SHLD2: variants seen among roughly 807,000 people sequenced by gnomAD.
SHLD2 encodes the protein RINN1-REV7-interacting novel NHEJ regulator 2.
SHLD2 carries 30 observed loss-of-function variants against 73.2 expected under a neutral mutation model. The observed-to-expected ratio is 0.41, with a 90% CI of 0.31 to 0.56. The LOEUF (loss-of-function observed/expected upper bound fraction) is 0.56, where lower values mean the gene tolerates loss of function less well. SHLD2 is among the 20% of genes least tolerant of loss of function. The probability of loss-of-function intolerance (pLI) is 0.28; values close to 1 mark genes in which losing one functional copy is unlikely to be tolerated. For missense variants in SHLD2, 745 were observed against 1,055.9 expected (o/e 0.71, Z 4.08); for synonymous variants, 285 against 370.1 (o/e 0.77, Z 2.64).
At chr10:87,150,614 A>G (rs918296536) in intron 2 of SHLD2, among the ~76,000 whole-genome samples, 9 of 151,280 alleles carry the variant, frequency 5.9e-5, no homozygotes, top group African/African-American at 2.2e-4. Context: ...TACAAAAATT[A>G]GCCGGGCGTG....
Position 87,176,053 on chromosome 10 carries a change from A to G in SHLD2, c.2128A>G (p.Lys710Glu), listed in dbSNP as rs539736446. 1 of 1,548,396 alleles carries G rather than the reference A, an allele frequency of 6.5e-7. No individual in the cohort carries two copies. Among genetic ancestry groups the G allele is most frequent in the African/African-American group, 1.4e-5 (1 of 73,074 alleles). The change falls in exon 7 of 10, where the codon AAG becomes GAG. Residue 710 changes from lysine to glutamate, a missense_variant. By Grantham distance (56) the Lys-to-Glu change is moderately conservative. This residue lies in a region of SHLD2 where 418 missense variants were observed against 567.8 expected (regional missense o/e 0.74). Coordinates refer to ENST00000298786, the MANE Select transcript of SHLD2 (RefSeq NM_001330112.2). ...TCAAAAAAGTGCACCCTCCTTTGTG[A>G]AGATATCAGACTTAGCAACCCACCT... ...KFQKSAPSFV[K>E]ISDLATHLED...
At position 87,190,745 on chromosome 10, in the gene SHLD2, A is replaced by C; in HGVS notation, c.*62A>C. On this transcript the variant is annotated 3_prime_UTR_variant, in exon 10 of 10. Transcript: ENST00000298786. ...AGTACTGAAATGATTTGTCTTTTGAAATAAATGAATGACAGGGCTTTTGCT... is the reference window on the plus strand; with the variant it reads ...AGTACTGAAATGATTTGTCTTTTGACATAAATGAATGACAGGGCTTTTGCT... The C allele has an allele frequency of 7.4e-7, 1 of 1,346,276 alleles. No homozygotes were observed. The highest frequency in any genetic ancestry group is 1.2e-5 in the South Asian group (1 of 83,898). 83.4% of individuals were successfully genotyped at this position (1,346,276 alleles called of 1,614,324 possible). A position where few individuals can be genotyped will look rare whatever the true frequency, so the allele number is the denominator to read the frequency against.
chr10:87,171,661 A>T (rs1485818098), intron 6 of SHLD2, among the ~76,000 whole-genome samples: 1 of 152,174 alleles, frequency 6.6e-6, no homozygotes, highest in East Asian at 1.9e-4. Context: ...TAATTTAGAG[A>T]TTGATTCAGT....
intron 2 of SHLD2, among the ~76,000 whole-genome samples, chr10:87,118,023 C>T (rs1441381470): frequency 6.6e-6 from 1 of 152,136 alleles, no homozygotes; most frequent in East Asian, 1.9e-4. Flanking sequence ...AATGATGTTA[C>T]TATTAATGAT....
upstream of SHLD2, chr10:87,094,542 G>A (rs1589394176): frequency 1.2e-6 from 2 of 1,612,488 alleles, no homozygotes; most frequent in Admixed American, 1.7e-5. This position sits in a 1 kb window ranked among gnomAD's most constrained non-coding sequence, Gnocchi z 6.6. Flanking sequence ...TGCTGGCGCC[G>A]CGATCGAAGA....
At chr10:87,173,531 A>G (rs1847749087) in intron 6 of SHLD2, among the ~76,000 whole-genome samples, 1 of 152,208 alleles carries the variant, frequency 6.6e-6, no homozygotes, top group Admixed American at 6.5e-5. Context: ...TAACAATGTG[A>G]GAAAAAATAG....
rs191163852 is a variant in SHLD2, at chr10:87,162,476, T to G, written c.1633+4321T>G. ...TGGAAAGCTGAGGTGGGAGAATCAC[T>G]TGAGCTCAGGAGTTTGAGTCCAGCC... is the stretch of plus-strand genomic sequence containing the variant. On this transcript the variant is annotated intron_variant, in intron 4 of 9. Transcript: ENST00000298786. 1.7e-3 allele frequency among the ~76,000 whole-genome samples: 260 copies of G among 152,242 alleles called. 1 individual carries two copies. The highest frequency in any genetic ancestry group is 5.6e-3 in the African/African-American group (234 of 41,552).
At chr10:87,103,225 T>G (rs1384485780) in intron 2 of SHLD2, among the ~76,000 whole-genome samples, 1 of 152,024 alleles carries the variant, frequency 6.6e-6, no homozygotes, top group Admixed American at 6.6e-5. Flanking sequence ...AAAATTTTTT[T>G]TAATAAATAA....
At chr10:87,107,108 A>AAAAAAAGG (rs1842648138) in intron 2 of SHLD2, among the ~76,000 whole-genome samples, 1 of 109,280 alleles carries the variant, frequency 9.2e-6, no homozygotes. Flanking sequence ...AAAAAAAAAA[A>AAAAAAAGG]GAGATTTAAA....
At chr10:87,165,461 T>C (rs1192402093) in intron 4 of SHLD2, among the ~76,000 whole-genome samples, 1 of 152,240 alleles carries the variant, frequency 6.6e-6, no homozygotes, top group Non-Finnish European at 1.5e-5. Context: ...TATGGTATCA[T>C]AAATGCTTTG....
chr10:87,105,464 C>A (rs565057181), intron 2 of SHLD2, among the ~76,000 whole-genome samples: 2 of 152,330 alleles, frequency 1.3e-5, no homozygotes, highest in Admixed American at 6.5e-5. Context: ...AATGTTGAGT[C>A]AGCTCAGGAA....
Position 87,185,013 on chromosome 10 carries a change from C to A in SHLD2, c.2400-2072C>A, listed in dbSNP as rs567357088. Among the ~76,000 whole-genome samples, 6 of 152,254 alleles carry A rather than the reference C, an allele frequency of 3.9e-5. No individual in the cohort carries two copies. In the East Asian group the frequency reaches 1.2e-3, roughly 29 times the overall value. ...CAGGGCTGTGTAGCTATCACCACAACCAGTTAGGACATTTTCGTCACCCAG... is the reference window on the plus strand; with the variant it reads ...CAGGGCTGTGTAGCTATCACCACAAACAGTTAGGACATTTTCGTCACCCAG... On this transcript the variant is annotated intron_variant, in intron 8 of 9. Coordinates refer to ENST00000298786, the MANE Select transcript of SHLD2 (RefSeq NM_001330112.2).
chr10:87,098,658 A>C (rs991454767), intron 2 of SHLD2, among the ~76,000 whole-genome samples: 2 of 152,218 alleles, frequency 1.3e-5, no homozygotes, highest in Non-Finnish European at 1.5e-5. Flanking sequence ...GGAGTATTTT[A>C]AGTATTTGTT....
chr10:87,155,952 T>TG (rs1266959872), intron 3 of SHLD2, among the ~76,000 whole-genome samples: 3 of 150,926 alleles, frequency 2.0e-5, no homozygotes, highest in African/African-American at 7.3e-5. Flanking sequence ...ATGGAAATGT[T>TG]GGGAAAAAAA....
At chr10:87,159,796 C>T (rs980535646) in intron 4 of SHLD2, among the ~76,000 whole-genome samples, 23 of 152,062 alleles carry the variant, frequency 1.5e-4, no homozygotes, top group Admixed American at 1.1e-3. Context: ...TTGGGAAAGA[C>T]TGAGAGGGAA....
At chr10:87,172,859 T>C (rs1450308785) in intron 6 of SHLD2, among the ~76,000 whole-genome samples, 1 of 152,082 alleles carries the variant, frequency 6.6e-6, no homozygotes, top group African/African-American at 2.4e-5. Context: ...TATGCATGTA[T>C]AGCAAAATGC....
intron 8 of SHLD2, among the ~76,000 whole-genome samples, chr10:87,183,142 C>G (rs1490469598): frequency 1.3e-5 from 2 of 152,114 alleles, no homozygotes; most frequent in Non-Finnish European, 2.9e-5. Flanking sequence ...AAGAAGTGGA[C>G]AGATTTGAGA....
At chr10:87,122,878 C>T (rs1474695617) in intron 2 of SHLD2, among the ~76,000 whole-genome samples, 5 of 152,028 alleles carry the variant, frequency 3.3e-5, no homozygotes, top group African/African-American at 1.2e-4. Context: ...CCCGGGTTCA[C>T]GCCATTCTCC....
At chr10:87,142,946 T>TA (rs1357787500) in intron 2 of SHLD2, among the ~76,000 whole-genome samples, 29 of 131,544 alleles carry the variant, frequency 2.2e-4, no homozygotes, top group African/African-American at 2.1e-4. Flanking sequence ...TTTTTTTTTT[T>TA]AGAGACAGTG....
Sources: gnomAD v4.1 joint callset for allele counts (sites outside exome capture counted in the v4.1 genomes callset) on GRCh38, gnomAD v4.1.1 for gene constraint, gnomAD v4.1.1 regional missense constraint, Gnocchi (gnomAD v3.1) non-coding constraint, MANE v1.5 for transcripts, NCBI Gene and HGNC (gene_info 2026-07-23, HGNC 2026-07-21) for gene names.